Variants in ATE1 observed in about 807,000 individuals in gnomAD.
The protein encoded by ATE1 is arginyl-tRNA--protein transferase 1.
ATE1 carries 36 observed loss-of-function variants against 70.5 expected under a neutral mutation model. The observed-to-expected ratio is 0.51, with a 90% CI of 0.39 to 0.67. The LOEUF is 0.67. Among genes scored for constraint, ATE1 ranks in the 30% least tolerant of loss-of-function variants. The pLI, the probability that ATE1 is intolerant of heterozygous loss-of-function variation, is 0.00. For missense variants in ATE1, 593 were observed against 629.5 expected (o/e 0.94, Z 0.62); for synonymous variants, 232 against 219.3 (o/e 1.06, Z -0.51).
intron 11 of ATE1, among the ~76,000 whole-genome samples, chr10:121,786,986 G>T (rs2133240459): frequency 6.6e-6 from 1 of 152,252 alleles, no homozygotes; most frequent in East Asian, 1.9e-4. Context: ...CAGAAGTCCT[G>T]CATTGAAAAA....
chr10:121,895,189 A>G (rs1251566089), intron 7 of ATE1, among the ~76,000 whole-genome samples: 1 of 152,224 alleles, frequency 6.6e-6, no homozygotes, highest in African/African-American at 2.4e-5. Flanking sequence ...CTCAAAAGGA[A>G]AACACATGAG....
intron 4 of ATE1, among the ~76,000 whole-genome samples, chr10:121,911,847 C>T (rs988666432): frequency 3.3e-5 from 5 of 152,128 alleles, no homozygotes; most frequent in Non-Finnish European, 5.9e-5. Context: ...CCCAAGTTCA[C>T]GCCATTCTCC....
At chr10:121,828,856 C>G (rs1948125842) in intron 10 of ATE1, among the ~76,000 whole-genome samples, 1 of 152,168 alleles carries the variant, frequency 6.6e-6, no homozygotes. Context: ...TTATTTCAGA[C>G]CTGCTGTTCA....
chr10:121,879,360 C>T (rs762382309), intron 7 of ATE1, among the ~76,000 whole-genome samples: 1 of 152,174 alleles, frequency 6.6e-6, no homozygotes. Flanking sequence ...CCTTCCACCA[C>T]GCTGTCCCTC....
At chr10:121,870,372 T>C (rs1477400358) in intron 7 of ATE1, among the ~76,000 whole-genome samples, 1 of 152,124 alleles carries the variant, frequency 6.6e-6, no homozygotes, top group Non-Finnish European at 1.5e-5. Context: ...AGGAGAAAAA[T>C]CAGCAATCTT....
chr10:121,895,381 G>T (rs1227672902), intron 7 of ATE1, among the ~76,000 whole-genome samples: 2 of 152,148 alleles, frequency 1.3e-5, no homozygotes, highest in Non-Finnish European at 2.9e-5. Flanking sequence ...AGGCCGAGGC[G>T]GGTGGATCAC....
intron 10 of ATE1, among the ~76,000 whole-genome samples, chr10:121,809,981 C>A (rs9651481): frequency 1.3e-5 from 2 of 151,974 alleles, no homozygotes; most frequent in Non-Finnish European, 2.9e-5. Context: ...CATCTCCACT[C>A]TGCCCAGGTG....
chr10:121,740,634 C>G lies in ATE1; in HGVS notation c.*3046G>C, dbSNP rs1401432517. ...ACTTCATTTTTCAAGTTAGCAACGA[C>G]AGATACATTTTAGTTAACTGTTTCA... On this transcript the variant is annotated 3_prime_UTR_variant, in exon 12 of 12. Transcript: ENST00000224652. 6.6e-6 allele frequency: 1 copy of G among 152,186 alleles called. No individual in the cohort carries two copies. The highest frequency in any genetic ancestry group is 1.5e-5 in the Non-Finnish European group (1 of 68,038). 9.4% of individuals were successfully genotyped at this position (152,186 alleles called of 1,614,324 possible).
At chr10:121,756,449 G>A (rs1279060761) in intron 11 of ATE1, among the ~76,000 whole-genome samples, 1 of 152,218 alleles carries the variant, frequency 6.6e-6, no homozygotes, top group African/African-American at 2.4e-5. Context: ...CGGTGTCCCA[G>A]TAAGGACTCT....
chr10:121,913,012 TG>T (rs1472754417), intron 4 of ATE1, among the ~76,000 whole-genome samples: 2 of 152,104 alleles, frequency 1.3e-5, no homozygotes, highest in Non-Finnish European at 2.9e-5. Context: ...CCCAAGTAGC[TG>T]GGACTACAGG....
chr10:121,767,902 C>T (rs1469508528), intron 11 of ATE1, among the ~76,000 whole-genome samples: 3 of 152,178 alleles, frequency 2.0e-5, no homozygotes, highest in Non-Finnish European at 4.4e-5. Flanking sequence ...AAAGCAAGAA[C>T]ATGAACAGTT....
intron 11 of ATE1, among the ~76,000 whole-genome samples, chr10:121,754,755 T>C (rs1304897951): frequency 6.6e-6 from 1 of 152,218 alleles, no homozygotes; most frequent in Non-Finnish European, 1.5e-5. Flanking sequence ...TACCAATTAC[T>C]TATTAACATG....
intron 11 of ATE1, among the ~76,000 whole-genome samples, chr10:121,772,158 C>T (rs1186695375): frequency 2.0e-5 from 3 of 152,212 alleles, no homozygotes; most frequent in Non-Finnish European, 4.4e-5. Flanking sequence ...GGATATAGCG[C>T]CAAACTGGCA....
chr10:121,748,964 C>A (rs774113772), intron 11 of ATE1, among the ~76,000 whole-genome samples: 3 of 151,948 alleles, frequency 2.0e-5, no homozygotes, highest in Non-Finnish European at 4.4e-5. Flanking sequence ...ATCACCAACA[C>A]ACAGACTATG....
intron 7 of ATE1, among the ~76,000 whole-genome samples, 165 bp downstream of exon 7, chr10:121,899,701 T>C (rs1950905519): frequency 6.6e-6 from 1 of 152,198 alleles, no homozygotes; most frequent in Admixed American, 6.5e-5. Flanking sequence ...CTAGGTAAAA[T>C]TTGCACTTTC....
intron 10 of ATE1, among the ~76,000 whole-genome samples, chr10:121,798,771 C>T (rs536943888): frequency 2.6e-5 from 4 of 152,086 alleles, no homozygotes; most frequent in South Asian, 2.1e-4. Context: ...TGGTGACACA[C>T]GCCTGTGGTC....
At chr10:121,924,700 A>G (rs970881809) in intron 1 of ATE1, among the ~76,000 whole-genome samples, 1 of 93,246 alleles carries the variant, frequency 1.1e-5, no homozygotes, top group Non-Finnish European at 2.7e-5. Flanking sequence ...ACTCCATCTC[A>G]AAAAAAAAAA....
At chr10:121,922,100 A>T (rs1469344063) in intron 3 of ATE1, among the ~76,000 whole-genome samples, 2 of 152,214 alleles carry the variant, frequency 1.3e-5, no homozygotes, top group South Asian at 4.1e-4. Context: ...CATTGACAAG[A>T]TTGCTAAATT....
intron 10 of ATE1, among the ~76,000 whole-genome samples, chr10:121,810,956 C>T (rs1947296212): frequency 6.6e-6 from 1 of 152,172 alleles, no homozygotes; most frequent in Non-Finnish European, 1.5e-5. Flanking sequence ...AAACCTCAGC[C>T]TCCCAAAGTG....
Sources: allele counts gnomAD v4.1 joint callset (sites outside exome capture counted in the v4.1 genomes callset), GRCh38; gene constraint gnomAD v4.1.1; transcripts MANE v1.5; gene names NCBI Gene and HGNC (gene_info 2026-07-23, HGNC 2026-07-21).